NECAB2: variants seen among roughly 807,000 people sequenced by gnomAD.
NECAB2 encodes N-terminal EF-hand calcium binding protein 2, also known as N-terminal EF-hand calcium-binding protein 2.
NECAB2 carries 68 observed loss-of-function variants against 51.9 expected under a neutral mutation model. That is an observed-to-expected ratio of 1.31 (90% CI 1.08 to 1.60). The LOEUF (loss-of-function observed/expected upper bound fraction) is 1.60, where lower values mean the gene tolerates loss of function less well. Ranked by LOEUF, NECAB2 falls within the 40% of genes most tolerant of loss-of-function variation. NECAB2 has a pLI of 0.00. For synonymous variants in NECAB2, 329 were observed against 203.5 expected, an observed-to-expected ratio of 1.62 and a Z score of -5.25; for missense variants, 854 against 490.3, an observed-to-expected ratio of 1.74 and a Z score of -7.00.
At chr16:83,980,542 A>T (rs954052064) in intron 3 of NECAB2, among the ~76,000 whole-genome samples, 16 of 151,478 alleles carry the variant, frequency 1.1e-4, no homozygotes, top group Non-Finnish European at 2.9e-5. Flanking sequence ...CTGTCCCTTT[A>T]CCCCTTTCCT....
chr16:83,982,546 C>T (rs1001836284), intron 5 of NECAB2, among the ~76,000 whole-genome samples: 9 of 152,208 alleles, frequency 5.9e-5, no homozygotes, highest in African/African-American at 2.2e-4. Flanking sequence ...CATGTGCTCA[C>T]AGATGACCCT....
intron 5 of NECAB2, among the ~76,000 whole-genome samples, chr16:83,982,337 C>A (rs1426422157): frequency 6.6e-6 from 1 of 152,190 alleles, no homozygotes; most frequent in East Asian, 1.9e-4. Flanking sequence ...TTGAGTCTTG[C>A]TGTTTTAGAG....
chr16:83,979,683 G>A (rs2084459727), intron 3 of NECAB2, among the ~76,000 whole-genome samples: 1 of 151,994 alleles, frequency 6.6e-6, no homozygotes. Flanking sequence ...GCGGGGTAGA[G>A]GAGGGGGTGG....
In NECAB2 at chr16:83,978,467, G is replaced by A; in HGVS notation, c.250G>A (p.Glu84Lys). 1 of 1,613,914 alleles carries A rather than the reference G, an allele frequency of 6.2e-7. No homozygotes were observed. Among genetic ancestry groups the A allele is most frequent in the Non-Finnish European group, 8.5e-7 (1 of 1,179,934 alleles). ...AGATGATGGGAAGCTGTCCTTGGAGGAATTCCAGCTCTTCTTTGCAGATGG... is the reference window on the plus strand; with the variant it reads ...AGATGATGGGAAGCTGTCCTTGGAGAAATTCCAGCTCTTCTTTGCAGATGG... ...KNDDGKLSLE[E>K]FQLFFADGVL... is the part of the protein sequence containing the mutation. The change falls in exon 3 of 13, where the codon GAA (glutamate) becomes AAA (lysine). Residue 84 changes from glutamate to lysine, a missense_variant. Transcript: ENST00000305202.
intron 2 of NECAB2, among the ~76,000 whole-genome samples, chr16:83,976,521 T>G (rs978705234): frequency 6.6e-6 from 1 of 152,184 alleles, no homozygotes; most frequent in African/African-American, 2.4e-5. Flanking sequence ...GCATCCTCTG[T>G]CACAGAACAC....
chr16:83,988,806 G>C (rs1408935085), intron 5 of NECAB2, among the ~76,000 whole-genome samples: 1 of 149,920 alleles, frequency 6.7e-6, no homozygotes, highest in African/African-American at 2.5e-5. Context: ...CTGTGGAGCT[G>C]GTCTCTTGTC....
At chr16:83,995,791 A>T (rs1366661040) in intron 8 of NECAB2, among the ~76,000 whole-genome samples, 1 of 152,182 alleles carries the variant, frequency 6.6e-6, no homozygotes, top group Non-Finnish European at 1.5e-5. Context: ...GAGGAAGCTC[A>T]AACTTCCCCT....
intron 3 of NECAB2, among the ~76,000 whole-genome samples, chr16:83,978,956 C>G (rs748688127): frequency 3.9e-5 from 6 of 152,208 alleles, no homozygotes; most frequent in African/African-American, 7.2e-5. Context: ...CATCCTAACA[C>G]TGACTCCTGT....
chr16:83,978,124 C>G (rs755009226), intron 2 of NECAB2, among the ~76,000 whole-genome samples: 1 of 152,080 alleles, frequency 6.6e-6, no homozygotes, highest in Non-Finnish European at 1.5e-5. Context: ...ATGGTGAGCC[C>G]AAGAAAGCTA....
intron 1 of NECAB2, among the ~76,000 whole-genome samples, chr16:83,970,841 C>G (rs1339724042): frequency 1.3e-5 from 2 of 152,182 alleles, no homozygotes; most frequent in Non-Finnish European, 2.9e-5. Flanking sequence ...GCCTGTAATC[C>G]CAGCACTTTG....
intron 11 of NECAB2, 131 bp downstream of exon 11, chr16:84,000,932 C>A (rs112600854): frequency 1.1e-5 from 9 of 847,856 alleles, no homozygotes; most frequent in South Asian, 1.6e-5. Flanking sequence ...GGCATCTACC[C>A]GCTGGCATGC....
upstream of NECAB2, chr16:83,966,285 C>G (rs988610991): frequency 1.7e-5 from 8 of 484,392 alleles, no homozygotes; most frequent in African/African-American, 1.4e-4. Flanking sequence ...GACCTGCAGC[C>G]CTGCGCCTTC....
intron 10 of NECAB2, among the ~76,000 whole-genome samples, chr16:84,000,467 A>G (rs542345206): frequency 6.6e-6 from 1 of 152,220 alleles, no homozygotes; most frequent in African/African-American, 2.4e-5. Context: ...TGGGCAACAG[A>G]GTGAGACCCT....
chr16:84,000,377 T>G (rs1164874020), intron 10 of NECAB2, among the ~76,000 whole-genome samples: 1 of 98,754 alleles, frequency 1.0e-5, no homozygotes, highest in Non-Finnish European at 1.7e-5. Flanking sequence ...TGGGACAGTT[T>G]TTGAATTAGG....
intron 5 of NECAB2, among the ~76,000 whole-genome samples, chr16:83,982,331 G>A (rs1188627030): frequency 6.6e-6 from 1 of 152,178 alleles, no homozygotes; most frequent in Admixed American, 6.5e-5. Flanking sequence ...GCTGTTTTGA[G>A]TCTTGCTGTT....
intron 11 of NECAB2, 97 bp downstream of exon 11, chr16:84,000,898 C>G: frequency 4.9e-6 from 6 of 1,216,134 alleles, no homozygotes; most frequent in South Asian, 1.3e-5. Flanking sequence ...AGGGTAAGGC[C>G]GAGTCCAGTC....
chr16:83,988,433 T>A (rs2151093663), intron 5 of NECAB2, among the ~76,000 whole-genome samples: 1 of 152,366 alleles, frequency 6.6e-6, no homozygotes, highest in South Asian at 2.1e-4. Context: ...CTCTTCCCTT[T>A]GGGAATAAAA....
At chr16:83,973,875 C>A (rs916261552) in intron 2 of NECAB2, among the ~76,000 whole-genome samples, 2 of 152,066 alleles carry the variant, frequency 1.3e-5, no homozygotes, top group Non-Finnish European at 2.9e-5. Flanking sequence ...GGCTGTGCAT[C>A]CCGAGTGTGT....
intron 11 of NECAB2, 99 bp from the exon 12 acceptor site, chr16:84,001,726 T>C: frequency 7.6e-7 from 1 of 1,318,356 alleles, no homozygotes; most frequent in Non-Finnish European, 1.1e-6. Flanking sequence ...TGCTTATTGA[T>C]AAGCTCCCCA....
Sources: allele counts gnomAD v4.1 joint callset (sites outside exome capture counted in the v4.1 genomes callset), GRCh38; gene constraint gnomAD v4.1.1; transcripts MANE v1.5; gene names NCBI Gene and HGNC (gene_info 2026-07-23, HGNC 2026-07-21).